The following MAPKAP1 variants were observed in gnomAD, a reference collection of about 807,000 sequenced individuals.
The protein encoded by MAPKAP1 is MAPK associated protein 1, also known as target of rapamycin complex 2 subunit MAPKAP1.
In MAPKAP1, 20 loss-of-function variants were observed where a neutral mutation model predicts 65.7. The observed-to-expected ratio is 0.30, with a 90% CI of 0.21 to 0.44. The LOEUF (loss-of-function observed/expected upper bound fraction) is 0.44. MAPKAP1 is among the 20% of genes least tolerant of loss of function. The pLI is 1.00. For missense variants in MAPKAP1, 423 were observed against 648.0 expected (o/e 0.65, Z 3.77); for synonymous variants, 222 against 244.3 (o/e 0.91, Z 0.85).
At chr9:125,699,611 T>C (rs1033854658) in intron 1 of MAPKAP1, among the ~76,000 whole-genome samples, 1 of 151,948 alleles carries the variant, frequency 6.6e-6, no homozygotes, top group African/African-American at 2.4e-5. Flanking sequence ...CGAAAAGTTT[T>C]GAATTTTGAA....
At chr9:125,466,078 C>T (rs1011141807) in intron 10 of MAPKAP1, among the ~76,000 whole-genome samples, 2 of 152,158 alleles carry the variant, frequency 1.3e-5, no homozygotes, top group Admixed American at 1.3e-4. Flanking sequence ...TTCTGTAAGC[C>T]TATTTCAAAT....
intron 5 of MAPKAP1, among the ~76,000 whole-genome samples, chr9:125,577,400 CCCCGCCT>C: frequency 1.3e-5 from 2 of 148,674 alleles, no homozygotes; most frequent in African/African-American, 5.0e-5. Context: ...GGGGTCAGCC[CCCCGCCT>C]GGCCAGCCTC....
intron 10 of MAPKAP1, among the ~76,000 whole-genome samples, chr9:125,456,959 A>G (rs1396535050): frequency 2.0e-5 from 3 of 151,194 alleles, no homozygotes; most frequent in Non-Finnish European, 4.4e-5. Flanking sequence ...ATCTTTTTTC[A>G]TCATCATACT....
At chr9:125,663,622 A>G (rs1343632079) in intron 3 of MAPKAP1, among the ~76,000 whole-genome samples, 2 of 152,300 alleles carry the variant, frequency 1.3e-5, no homozygotes, top group Middle Eastern at 3.4e-3. Flanking sequence ...TTTTTTAATA[A>G]TAAATATTTG....
intron 4 of MAPKAP1, among the ~76,000 whole-genome samples, chr9:125,621,557 T>C (rs1832900721): frequency 6.6e-6 from 1 of 152,198 alleles, no homozygotes; most frequent in African/African-American, 2.4e-5. Context: ...TAATTAATGC[T>C]TTACTATTCC....
At chr9:125,508,885 C>T (rs1022358982) in intron 7 of MAPKAP1, among the ~76,000 whole-genome samples, 3 of 151,710 alleles carry the variant, frequency 2.0e-5, no homozygotes, top group East Asian at 3.9e-4. Context: ...AGGTCTAATA[C>T]GGGGACTGAT....
At chr9:125,459,683 C>T (rs1180418710) in intron 10 of MAPKAP1, among the ~76,000 whole-genome samples, 1 of 152,226 alleles carries the variant, frequency 6.6e-6, no homozygotes, top group African/African-American at 2.4e-5. Flanking sequence ...GGCGTGGCGG[C>T]ACGCGCCTGC....
intron 1 of MAPKAP1, among the ~76,000 whole-genome samples, chr9:125,690,128 C>G (rs1481691325): frequency 6.6e-5 from 10 of 152,038 alleles, no homozygotes; most frequent in Non-Finnish European, 1.2e-4. Flanking sequence ...GAAAAAATAT[C>G]TAAATGAGAC....
chr9:125,609,099 A>G (rs1832523584), intron 4 of MAPKAP1, among the ~76,000 whole-genome samples: 1 of 152,250 alleles, frequency 6.6e-6, no homozygotes, highest in African/African-American at 2.4e-5. Flanking sequence ...TTCATGTTAT[A>G]TATTTTTAAA....
intron 1 of MAPKAP1, among the ~76,000 whole-genome samples, chr9:125,686,220 G>A (rs1211393387): frequency 6.6e-6 from 1 of 151,286 alleles, no homozygotes; most frequent in Non-Finnish European, 1.5e-5. Context: ...GCTGAGGCGG[G>A]AGAACGGCAT....
intron 7 of MAPKAP1, among the ~76,000 whole-genome samples, chr9:125,517,789 C>G (rs1829504915): frequency 6.6e-6 from 1 of 152,184 alleles, no homozygotes; most frequent in African/African-American, 2.4e-5. Flanking sequence ...ATCCCCTCCT[C>G]TCTGCAGCCC....
chr9:125,632,225 G>GAAAAAAAAA (rs57409863), intron 4 of MAPKAP1, among the ~76,000 whole-genome samples: 13 of 143,408 alleles, frequency 9.1e-5, no homozygotes, highest in African/African-American at 2.4e-4. Context: ...CCGTCTCAAA[G>GAAAAAAAAA]AAAAAAAAAA....
intron 1 of MAPKAP1, among the ~76,000 whole-genome samples, chr9:125,695,589 C>A (rs555951869): frequency 6.6e-6 from 1 of 152,192 alleles, no homozygotes; most frequent in East Asian, 1.9e-4. Context: ...TCAAATACTT[C>A]GGTAAATTTT....
intron 1 of MAPKAP1, among the ~76,000 whole-genome samples, chr9:125,696,973 T>C (rs1463387049): frequency 6.6e-6 from 1 of 152,206 alleles, no homozygotes; most frequent in Non-Finnish European, 1.5e-5. Context: ...TCCACAGAGA[T>C]AGGAGTGGAC....
Position 125,484,735 on chromosome 9 carries a change from A to G in MAPKAP1, c.1067-152T>C, listed in dbSNP as rs570296502. 1.0e-5 allele frequency: 7 copies of G among 698,402 alleles called. No homozygotes were observed. In the East Asian group the frequency reaches 1.5e-4, roughly 15 times the overall value. The allele number at this position is 698,402 out of a possible 1,614,324, so 43.3% of individuals were successfully genotyped here. On this transcript the variant is annotated intron_variant, in intron 8 of 11. Coordinates refer to ENST00000265960, the MANE Select transcript of MAPKAP1 (RefSeq NM_001006617.3). ...GATGACTTAATAATGCCATTCCAGT[A>G]AACAGAGAATGGTAACATATTAATC...
At chr9:125,525,015 CAG>C (rs1829722660) in intron 7 of MAPKAP1, among the ~76,000 whole-genome samples, 1 of 152,216 alleles carries the variant, frequency 6.6e-6, no homozygotes, top group Non-Finnish European at 1.5e-5. Context: ...AGCAGCTGCG[CAG>C]ACAGATGCAC....
chr9:125,677,418 C>T (rs770765218), intron 1 of MAPKAP1, among the ~76,000 whole-genome samples: 2 of 151,602 alleles, frequency 1.3e-5, no homozygotes, highest in Non-Finnish European at 2.9e-5. Context: ...TAATAAGGCC[C>T]GGTACAGTCA....
chr9:125,608,098 G>A (rs767791556), intron 4 of MAPKAP1, among the ~76,000 whole-genome samples: 2 of 152,130 alleles, frequency 1.3e-5, no homozygotes, highest in Non-Finnish European at 2.9e-5. Context: ...TGCAACCATG[G>A]CACTCTAGGG....
intron 10 of MAPKAP1, among the ~76,000 whole-genome samples, chr9:125,456,256 G>C (rs1041671173): frequency 7.2e-5 from 11 of 152,158 alleles, no homozygotes; most frequent in Admixed American, 2.0e-4. Context: ...GCTTTCATTT[G>C]GCTTCCAAGA....
Sources: gnomAD v4.1 joint callset for allele counts (sites outside exome capture counted in the v4.1 genomes callset) on GRCh38, gnomAD v4.1.1 for gene constraint, MANE v1.5 for transcripts, NCBI Gene and HGNC (gene_info 2026-07-23, HGNC 2026-07-21) for gene names.